SLC4A4: variants seen among roughly 807,000 people sequenced by gnomAD.
SLC4A4 encodes electrogenic sodium bicarbonate cotransporter 1.
A neutral mutation model predicts 111.5 loss-of-function variants in SLC4A4; 27 were observed. That is an observed-to-expected ratio of 0.24 (90% CI 0.18 to 0.33). The LOEUF (loss-of-function observed/expected upper bound fraction) is 0.33, where lower values mean the gene tolerates loss of function less well. SLC4A4 is among the 10% of genes least tolerant of loss of function. The pLI is 1.00. For synonymous variants in SLC4A4, 443 were observed against 463.4 expected (o/e 0.96, Z 0.57); for missense variants, 909 against 1,315.5 (o/e 0.69, Z 4.78).
chr4:71,102,464 A>G, intron 2 of SLC4A4, among the ~76,000 whole-genome samples: 1 of 151,950 alleles, frequency 6.6e-6, no homozygotes. Flanking sequence ...CAAGACACAT[A>G]ATTGTCAGAT....
chr4:71,193,381 G>A (rs539592257), intron 1 of SLC4A4, among the ~76,000 whole-genome samples: 13 of 152,210 alleles, frequency 8.5e-5, no homozygotes, highest in East Asian at 3.9e-4. Flanking sequence ...GGATGGTCTC[G>A]ATCTCCTGAC....
intron 16 of SLC4A4, among the ~76,000 whole-genome samples, chr4:71,528,860 T>C (rs1238790570): frequency 1.3e-5 from 2 of 151,982 alleles, no homozygotes; most frequent in Non-Finnish European, 2.9e-5. Flanking sequence ...TGTACACATA[T>C]ATATGGACAT....
intron 2 of SLC4A4, among the ~76,000 whole-genome samples, chr4:71,098,611 A>T (rs1004817625): frequency 6.6e-6 from 1 of 152,164 alleles, no homozygotes; most frequent in African/African-American, 2.4e-5. Flanking sequence ...AATCACATAC[A>T]CCAATACTAA....
intron 15 of SLC4A4, among the ~76,000 whole-genome samples, chr4:71,497,046 T>C (rs899270140): frequency 2.0e-5 from 3 of 152,142 alleles, no homozygotes; most frequent in Non-Finnish European, 4.4e-5. Flanking sequence ...GTAGTTAACC[T>C]ATTACAACTT....
chr4:71,232,797 A>G (rs72650305), intron 1 of SLC4A4, among the ~76,000 whole-genome samples: 1 of 152,380 alleles, frequency 6.6e-6, no homozygotes, highest in Non-Finnish European at 1.5e-5. Flanking sequence ...AAATTTGAAA[A>G]AAAGGCAACA....
intron 2 of SLC4A4, among the ~76,000 whole-genome samples, chr4:71,244,723 A>G (rs2149047374): frequency 6.6e-6 from 1 of 151,756 alleles, no homozygotes; most frequent in African/African-American, 2.4e-5. Flanking sequence ...TTAGTTGATT[A>G]GTACTTACGT....
intron 2 of SLC4A4, among the ~76,000 whole-genome samples, chr4:71,100,833 T>C (rs1742707579): frequency 6.6e-6 from 1 of 152,142 alleles, no homozygotes; most frequent in Non-Finnish European, 1.5e-5. Context: ...AGGAAGACAG[T>C]CCCATTCACA....
At chr4:71,259,086 C>G (rs1013182115) in intron 3 of SLC4A4, among the ~76,000 whole-genome samples, 3 of 151,988 alleles carry the variant, frequency 2.0e-5, no homozygotes, top group African/African-American at 7.3e-5. Flanking sequence ...CTATGATTGC[C>G]CCTGTGAATA....
chr4:71,065,700 T>C (rs1002948684), intron 1 of SLC4A4, among the ~76,000 whole-genome samples: 1 of 152,138 alleles, frequency 6.6e-6, no homozygotes, highest in Non-Finnish European at 1.5e-5. Flanking sequence ...TCTGGAAAAT[T>C]GCCCTTACAT....
intron 2 of SLC4A4, 51 bp from the exon 3 acceptor site, chr4:71,255,169 G>A: frequency 6.8e-7 from 1 of 1,479,462 alleles, no homozygotes; most frequent in African/African-American, 1.4e-5. Flanking sequence ...CAATTTGTCT[G>A]CAGTAGAGAA....
intron 2 of SLC4A4, among the ~76,000 whole-genome samples, chr4:71,100,765 C>G (rs1343484578): frequency 6.6e-6 from 1 of 152,162 alleles, no homozygotes; most frequent in Non-Finnish European, 1.5e-5. Context: ...GATACAAAAT[C>G]AATGTACAAA....
intron 1 of SLC4A4, among the ~76,000 whole-genome samples, chr4:71,089,147 T>C (rs1742295508): frequency 6.6e-6 from 1 of 152,044 alleles, no homozygotes; most frequent in South Asian, 2.1e-4. Flanking sequence ...ATTTCATTCA[T>C]TTGATCTTGC....
intron 12 of SLC4A4, 57 bp from the exon 13 acceptor site, chr4:71,466,387 A>G: frequency 1.9e-6 from 3 of 1,604,848 alleles, no homozygotes; most frequent in Non-Finnish European, 2.6e-6. Flanking sequence ...TAGTGACATC[A>G]CAAATGAGAA....
chr4:71,290,029 A>G (rs1025323782), intron 3 of SLC4A4, among the ~76,000 whole-genome samples: 1 of 152,168 alleles, frequency 6.6e-6, no homozygotes, highest in African/African-American at 2.4e-5. Context: ...TTTGTAACCT[A>G]GATTTAAAGT....
chr4:71,165,679 T>C (rs1744725085), intron 2 of SLC4A4, among the ~76,000 whole-genome samples: 1 of 152,154 alleles, frequency 6.6e-6, no homozygotes, highest in Non-Finnish European at 1.5e-5. Flanking sequence ...ATTCTGCACA[T>C]GTATCCCAGA....
chr4:71,248,298 C>T (rs371505430), intron 2 of SLC4A4, among the ~76,000 whole-genome samples: 4 of 151,932 alleles, frequency 2.6e-5, no homozygotes, highest in African/African-American at 9.7e-5. Context: ...ATTTATGCAG[C>T]ACCTTTGTGT....
At position 71,394,487 on chromosome 4, in the gene SLC4A4, A is replaced by G. The variant is rs376093994; in HGVS notation, c.731-3090A>G. ...CTCCTGCAAGAATGGCCATAATCAAAAAATCAAAAAACAGTAAATGTTGGT... is the reference window on the plus strand; with the variant it reads ...CTCCTGCAAGAATGGCCATAATCAAGAAATCAAAAAACAGTAAATGTTGGT... On this transcript the variant is annotated intron_variant, in intron 6 of 25. Coordinates refer to ENST00000264485, the MANE Select transcript of SLC4A4 (RefSeq NM_001098484.3). Among the ~76,000 whole-genome samples, 41 of 152,308 alleles carry G rather than the reference A, an allele frequency of 2.7e-4. 2 individuals are homozygous for G. The South Asian group carries it at 7.9e-3, about 29-fold the overall frequency.
At chr4:71,520,575 A>G (rs1172425856) in intron 16 of SLC4A4, among the ~76,000 whole-genome samples, 1 of 152,226 alleles carries the variant, frequency 6.6e-6, no homozygotes, top group Non-Finnish European at 1.5e-5. Flanking sequence ...CTATAAAGGG[A>G]AAGTTTGGCT....
intron 14 of SLC4A4, chr4:71,473,334 T>C: frequency 1.9e-6 from 1 of 540,284 alleles, no homozygotes; most frequent in Admixed American, 3.2e-5. Flanking sequence ...CTTTGCTGCT[T>C]CTTTATTGGT....
Sources: gnomAD v4.1 joint callset for allele counts (sites outside exome capture counted in the v4.1 genomes callset) on GRCh38, gnomAD v4.1.1 for gene constraint, MANE v1.5 for transcripts, NCBI Gene and HGNC (gene_info 2026-07-23, HGNC 2026-07-21) for gene names.